MYG1: variants seen among roughly 807,000 people sequenced by gnomAD.
MYG1 encodes UPF0160 protein MYG1, mitochondrial.
A neutral mutation model predicts 43.5 loss-of-function variants in MYG1; 36 were observed. That is an observed-to-expected ratio of 0.83 (90% CI 0.63 to 1.09). The LOEUF (loss-of-function observed/expected upper bound fraction) is 1.09. Ranked by LOEUF, MYG1 falls within the 50% of genes least tolerant of loss-of-function variation. The pLI is 0.00. For synonymous variants in MYG1, 220 were observed against 202.8 expected (o/e 1.08, Z -0.72); for missense variants, 529 against 495.1 (o/e 1.07, Z -0.65).
intron 2 of MYG1, among the ~76,000 whole-genome samples, chr12:53,302,600 C>G (rs1212889167): frequency 6.6e-6 from 1 of 152,164 alleles, no homozygotes; most frequent in African/African-American, 2.4e-5. Context: ...CCTGCCCTTC[C>G]AGCTTTTTCT....
intron 2 of MYG1, among the ~76,000 whole-genome samples, chr12:53,300,922 CTTTT>C (rs555046857): frequency 2.8e-5 from 4 of 140,394 alleles, no homozygotes; most frequent in African/African-American, 5.2e-5. Context: ...TTTTTCTTTT[CTTTT>C]TTTTTTTTTT....
Position 53,306,671 on chromosome 12 carries a change from C to G in MYG1, c.766-9C>G, listed in dbSNP as rs1385530764. ...CTTAAACCTTCTAGCTATGCTCTCCCTCTTTCAGGTGGACCCAAGTGGAGA... is the reference window on the plus strand; with the variant it reads ...CTTAAACCTTCTAGCTATGCTCTCCGTCTTTCAGGTGGACCCAAGTGGAGA... On this transcript the variant is annotated splice_polypyrimidine_tract_variant and intron_variant, in intron 5 of 6. Coordinates refer to ENST00000267103, the MANE Select transcript of MYG1 (RefSeq NM_021640.4). 1 of 1,610,446 alleles carries G rather than the reference C, an allele frequency of 6.2e-7. No homozygotes were observed. Among genetic ancestry groups the G allele is most frequent in the Non-Finnish European group, 8.5e-7 (1 of 1,178,098 alleles).
At chr12:53,305,148 G>A (rs1039518180) in intron 3 of MYG1, among the ~76,000 whole-genome samples, 1 of 152,092 alleles carries the variant, frequency 6.6e-6, no homozygotes, top group African/African-American at 2.4e-5. Context: ...GATTACAGGC[G>A]TGAGCCACCG....
chr12:53,300,220 GCGAGTA>G lies in MYG1; in HGVS notation c.291_296del (p.Glu97_Tyr98del). The G allele has an allele frequency of 6.2e-7, 1 of 1,604,140 alleles. No individual in the cohort carries two copies. Among genetic ancestry groups the G allele is most frequent in the Admixed American group, 1.7e-5 (1 of 58,176 alleles). The stretch of plus-strand genomic sequence containing the variant: ...TGTGACATCGTGGTGGACGTGGGGG[GCGAGTA>G]CGACCCTCGGAGACACCGATATGAC... On this transcript the variant is annotated inframe_deletion, in exon 2 of 7. Coordinates refer to ENST00000267103, the MANE Select transcript of MYG1 (RefSeq NM_021640.4).
chr12:53,306,189 C>A lies in MYG1; in HGVS notation c.643-9C>A, dbSNP rs759149006. 2 of 1,614,202 alleles carry A rather than the reference C, an allele frequency of 1.2e-6. No homozygotes were observed. The highest frequency in any genetic ancestry group is 1.1e-5 in the South Asian group (1 of 91,074). On this transcript the variant is annotated splice_polypyrimidine_tract_variant and intron_variant, in intron 4 of 6. Transcript: ENST00000267103. ...CCAGCATCATGGTTCTAATTCTCAT[C>A]ATTCCCAGGCAGGGTTCAAGCGTGC...
In MYG1 at chr12:53,307,058, G is replaced by A; in HGVS notation, c.1040G>A (p.Gly347Asp). ...GGCTGCATCTTCGTCCATGCAAGCG[G>A]CTTCACTGGCGGTCACCACACCCGA... is the stretch of plus-strand genomic sequence containing the variant. ...IPGCIFVHAS[G>D]FTGGHHTREG... The change falls in exon 7 of 7, where the codon GGC becomes GAC. Residue 347 changes from glycine to aspartate, a missense_variant. Transcript: ENST00000267103. 1 of 1,614,220 alleles carries A rather than the reference G, an allele frequency of 6.2e-7. No homozygotes were observed. The highest frequency in any genetic ancestry group is 8.5e-7 in the Non-Finnish European group (1 of 1,180,042).
In MYG1 at chr12:53,299,796, A is replaced by G. The variant is rs1341688721; in HGVS notation, c.59A>G (p.Tyr20Cys). 20 of 1,613,844 alleles carry G rather than the reference A, an allele frequency of 1.2e-5. No homozygotes were observed. The highest frequency in any genetic ancestry group is 4.0e-5 in the African/African-American group (3 of 74,866). Reference sequence around the variant, plus strand: ...CTGCTGCTGCCGCCGCCACCCCTGTATACCCGGCACCGCATGCTCGGTCCA... The same window carrying G: ...CTGCTGCTGCCGCCGCCACCCCTGTGTACCCGGCACCGCATGCTCGGTCCA... ...LTLLLPPPPL[Y>C]TRHRMLGPES... The change falls in exon 1 of 7, where the codon TAT (tyrosine) becomes TGT (cysteine). Residue 20 changes from tyrosine (Y) to cysteine (C), a missense_variant. Transcript: ENST00000267103.
chr12:53,302,546 A>G (rs537929436), intron 2 of MYG1, among the ~76,000 whole-genome samples: 7 of 152,122 alleles, frequency 4.6e-5, no homozygotes, highest in South Asian at 4.2e-4. Flanking sequence ...AAATCCCCCA[A>G]TGACTTCGAT....
At chr12:53,300,089 C>T in intron 1 of MYG1, 61 bp from the exon 2 acceptor site, 1 of 1,526,990 alleles carries the variant, frequency 6.5e-7, no homozygotes, top group Admixed American at 1.9e-5. Context: ...TCCCTGAAGT[C>T]CAGCATTAAT....
chr12:53,299,774 C>T lies in MYG1; in HGVS notation c.37C>T (p.Leu13=), dbSNP rs766237397. 51 of 1,613,962 alleles carry T rather than the reference C, an allele frequency of 3.2e-5. 3 individuals carry two copies. The South Asian group carries it at 5.6e-4, about 18-fold the overall frequency. ...ATTCCTGCGCGGCCTCTTAACGCTG[C>T]TGCTGCCGCCGCCACCCCTGTATAC... is the stretch of plus-strand genomic sequence containing the variant. The part of the protein sequence containing the change: ...HQFLRGLLTL[L]LPPPPLYTRH... The change falls in exon 1 of 7, where the codon CTG becomes TTG. Residue 13 remains leucine, a synonymous_variant. Coordinates refer to ENST00000267103, the MANE Select transcript of MYG1 (RefSeq NM_021640.4).
intron 3 of MYG1, among the ~76,000 whole-genome samples, chr12:53,304,865 T>TTTTG (rs1944259600): frequency 2.1e-3 from 7 of 3,362 alleles, no homozygotes; most frequent in African/African-American, 3.3e-3. Context: ...ACCCATGTTT[T>TTTTG]TTTTTTTTTT....
intron 2 of MYG1, among the ~76,000 whole-genome samples, chr12:53,301,045 G>C (rs1019132613): frequency 2.7e-5 from 4 of 150,894 alleles, no homozygotes; most frequent in African/African-American, 9.7e-5. Flanking sequence ...TCAGCCTCCC[G>C]AGTAGCTGGG....
intron 3 of MYG1, chr12:53,305,575 G>T: frequency 5.4e-6 from 1 of 186,814 alleles, no homozygotes. Context: ...CAGCCACAGG[G>T]ACCCACTCCC....
intron 1 of MYG1, 36 bp downstream of exon 1, chr12:53,299,989 C>G (rs1419967817): frequency 1.8e-5 from 29 of 1,610,302 alleles, no homozygotes; most frequent in Non-Finnish European, 2.5e-5. Context: ...GGACTGCGTG[C>G]ATGCATGCCT....
chr12:53,303,366 CT>C lies in MYG1; in HGVS notation c.489+174del, dbSNP rs545023325. 394 of 661,996 alleles carry C rather than the reference CT, an allele frequency of 6.0e-4. 3 individuals carry two copies. The African/African-American group carries it at 6.7e-3, about 11-fold the overall frequency. The allele number at this position is 661,996 out of a possible 1,614,324, so 41.0% of individuals were successfully genotyped here. A position where few individuals can be genotyped will look rare whatever the true frequency, so the allele number is the denominator to read the frequency against. ...TCATCTCACAAGGGAATGGTGATAC[CT>C]CCCCTGTCTACATCCTGGGGTGGTT... On this transcript the variant is annotated intron_variant, in intron 3 of 6. Coordinates refer to ENST00000267103, the MANE Select transcript of MYG1 (RefSeq NM_021640.4).
In MYG1 at chr12:53,299,770, G is replaced by A. The variant is rs1565772108; in HGVS notation, c.33G>A (p.Thr11=). The A allele has an allele frequency of 1.2e-6, 2 of 1,612,256 alleles. No homozygotes were observed. Among genetic ancestry groups the A allele is most frequent in the South Asian group, 2.2e-5 (2 of 91,026 alleles). MGHQFLRGLL[T]LLLPPPPLYT... is the part of the protein sequence containing the mutation. ...ACCAATTCCTGCGCGGCCTCTTAAC[G>A]CTGCTGCTGCCGCCGCCACCCCTGT... The change falls in exon 1 of 7, where the codon ACG becomes ACA. Residue 11 remains threonine (T), a synonymous_variant. Coordinates refer to ENST00000267103, the MANE Select transcript of MYG1 (RefSeq NM_021640.4).
In MYG1 at chr12:53,299,829, T is replaced by C. The variant is rs778897803; in HGVS notation, c.92T>C (p.Val31Ala). The stretch of plus-strand genomic sequence containing the variant: ...CACCGCATGCTCGGTCCAGAGTCCG[T>C]CCCGCCCCCAAAACGATCCCGCAGC... ...TRHRMLGPESVPPPKRSRSKL... is the reference protein window; with the variant it reads ...TRHRMLGPESAPPPKRSRSKL... Residue 31 changes from valine to alanine, a missense_variant, in exon 1 of 7, where the codon GTC becomes GCC. Transcript: ENST00000267103. The C allele has an allele frequency of 1.4e-5, 22 of 1,613,890 alleles. No homozygotes were observed. The highest frequency in any genetic ancestry group is 6.7e-5 in the African/African-American group (5 of 74,862).
chr12:53,301,013 A>G (rs1249788186), intron 2 of MYG1, among the ~76,000 whole-genome samples: 1 of 149,384 alleles, frequency 6.7e-6, no homozygotes. Flanking sequence ...TCTGTCTCCC[A>G]GGTTCAAGCG....
chr12:53,302,924 A>C lies in MYG1; in HGVS notation c.330-110A>C, dbSNP rs1038888324. 11 of 1,276,426 alleles carry C rather than the reference A, an allele frequency of 8.6e-6. No homozygotes were observed. The Admixed American group carries it at 1.5e-4, about 17-fold the overall frequency. 79.1% of individuals were successfully genotyped at this position (1,276,426 alleles called of 1,614,324 possible). On this transcript the variant is annotated intron_variant, in intron 2 of 6. Coordinates refer to ENST00000267103, the MANE Select transcript of MYG1 (RefSeq NM_021640.4). Reference sequence around the variant, plus strand: ...CTTGGTTTTTTATCCTTAATGTCTAATAAAACATAAAATGTGGCAGATAGG... The same window carrying C: ...CTTGGTTTTTTATCCTTAATGTCTACTAAAACATAAAATGTGGCAGATAGG...
Sources: allele counts gnomAD v4.1 joint callset (sites outside exome capture counted in the v4.1 genomes callset), GRCh38; gene constraint gnomAD v4.1.1; transcripts MANE v1.5; gene names NCBI Gene and HGNC (gene_info 2026-07-23, HGNC 2026-07-21).